Variants in TMEM44 observed in about 807,000 individuals in gnomAD.
The protein encoded by TMEM44 is transmembrane protein 44.
TMEM44 carries 43 observed loss-of-function variants against 47.8 expected under a neutral mutation model. The observed-to-expected ratio is 0.90, with a 90% CI of 0.70 to 1.16. The LOEUF is 1.16. Ranked by LOEUF, TMEM44 falls within the 50% of genes most tolerant of loss-of-function variation. The pLI is 0.00. For missense variants in TMEM44, 568 were observed against 555.2 expected (o/e 1.02, Z -0.23); for synonymous variants, 277 against 238.8 (o/e 1.16, Z -1.48).
chr3:194,633,255 C>A lies in TMEM44; in HGVS notation c.-40G>T. On this transcript the variant is annotated 5_prime_UTR_variant, in exon 1 of 10. Transcript: ENST00000347147. ...CGCGGCGCGGGGCCGGGGACCTGGGCGCAGCCTCCCTCGCCGCGGGCAAGC... is the reference window on the plus strand; with the variant it reads ...CGCGGCGCGGGGCCGGGGACCTGGGAGCAGCCTCCCTCGCCGCGGGCAAGC... 9.0e-7 allele frequency: 1 copy of A among 1,112,098 alleles called. No homozygotes were observed. The highest frequency in any genetic ancestry group is 4.1e-5 in the South Asian group (1 of 24,130). The allele number at this position is 1,112,098 out of a possible 1,614,324, so 68.9% of individuals were successfully genotyped here.
At chr3:194,632,900 G>T in intron 1 of TMEM44, 179 bp downstream of exon 1, 1 of 1,061,028 alleles carries the variant, frequency 9.4e-7, no homozygotes, top group Non-Finnish European at 1.3e-6. Context: ...TTCCCTGTGC[G>T]TGGGATCCGG....
In TMEM44 at chr3:194,611,114, C is replaced by T. The variant is rs1379803958; in HGVS notation, c.913-94G>A. The T allele has an allele frequency of 6.1e-6, 6 of 979,852 alleles. No individual in the cohort carries two copies. The highest frequency in any genetic ancestry group is 2.1e-4 in the Middle Eastern group (1 of 4,822). 60.7% of individuals were successfully genotyped at this position (979,852 alleles called of 1,614,324 possible). On this transcript the variant is annotated intron_variant, in intron 7 of 9. Transcript: ENST00000347147. This position sits in a 1 kb window ranked among gnomAD's most constrained non-coding sequence, Gnocchi z 4.2. ...GTCACATTTTATTCAAAAGGACCCC[C>T]GTGGTATTTTCTCTCTCTCTTTTTT...
At chr3:194,590,257 A>T (rs1253494300) in intron 9 of TMEM44, 1 of 152,228 alleles carries the variant, frequency 6.6e-6, no homozygotes. Flanking sequence ...TGATTTACTG[A>T]TAATAACTGA....
At position 194,611,119 on chromosome 3, in the gene TMEM44, T is replaced by C. The variant is rs1577190149; in HGVS notation, c.913-99A>G. 1 of 911,910 alleles carries C rather than the reference T, an allele frequency of 1.1e-6. No homozygotes were observed. The highest frequency in any genetic ancestry group is 2.6e-5 in the East Asian group (1 of 38,840). The allele number at this position is 911,910 out of a possible 1,614,324, so 56.5% of individuals were successfully genotyped here. ...ATTTTATTCAAAAGGACCCCCGTGG[T>C]ATTTTCTCTCTCTCTTTTTTAACGG... On this transcript the variant is annotated intron_variant, in intron 7 of 9. Coordinates refer to ENST00000347147, the MANE Select transcript of TMEM44 (RefSeq NM_001011655.3). This position sits in a 1 kb window ranked among gnomAD's most constrained non-coding sequence, Gnocchi z 4.2.
In TMEM44 at chr3:194,628,451, C is replaced by T. The variant is rs1396773075; in HGVS notation, c.196G>A (p.Ala66Thr). 1 of 1,613,440 alleles carries T rather than the reference C, an allele frequency of 6.2e-7. No homozygotes were observed. Among genetic ancestry groups the T allele is most frequent in the Non-Finnish European group, 8.5e-7 (1 of 1,179,702 alleles). The change falls in exon 2 of 10, where the codon GCG (alanine) becomes ACG (threonine). Residue 66 changes from alanine (A) to threonine (T), a missense_variant. Transcript: ENST00000347147. ...CACAGACTGGTCAGGAGGCAGCACGCAGCACACAGTGCCGACTGGTCCTGT... is the reference window on the plus strand; with the variant it reads ...CACAGACTGGTCAGGAGGCAGCACGTAGCACACAGTGCCGACTGGTCCTGT... ...PRQDQSALCA[A>T]CCLLTSLCDT...
intron 9 of TMEM44, among the ~76,000 whole-genome samples, chr3:194,602,519 T>C (rs1714257679): frequency 6.6e-6 from 1 of 152,032 alleles, no homozygotes; most frequent in African/African-American, 2.4e-5. Context: ...CCAGAATCTC[T>C]TGAACCCGGG....
At chr3:194,594,519 T>TA (rs911666370) in intron 9 of TMEM44, among the ~76,000 whole-genome samples, 21 of 146,728 alleles carry the variant, frequency 1.4e-4, no homozygotes, top group Middle Eastern at 3.5e-3. Flanking sequence ...GATAAGGACT[T>TA]AAAAAAAAAA....
At chr3:194,624,032 T>A (rs1381186404) in intron 3 of TMEM44, among the ~76,000 whole-genome samples, 2 of 152,190 alleles carry the variant, frequency 1.3e-5, no homozygotes, top group Non-Finnish European at 2.9e-5. Flanking sequence ...CACCATCCTC[T>A]GGTGGTTTCT....
rs200782246 is a variant in TMEM44, at chr3:194,623,614, G to A, written c.440C>T (p.Pro147Leu). The change falls in exon 4 of 10, where the codon CCG becomes CTG. Residue 147 changes from proline (P) to leucine (L), a missense_variant. Transcript: ENST00000347147. ...FALALPLSLG[P>L]CWALWVAVPK... ...GACAGCAACCCACAGAGCCCAGCACGGGCCCAGGCTCAGCGGCAGGGCCAG... is the reference window on the plus strand; with the variant it reads ...GACAGCAACCCACAGAGCCCAGCACAGGCCCAGGCTCAGCGGCAGGGCCAG... The A allele has an allele frequency of 4.6e-4, 735 of 1,612,688 alleles. 5 individuals are homozygous for A. Among genetic ancestry groups the A allele is most frequent in the South Asian group, 1.6e-3 (146 of 90,992 alleles).
intron 2 of TMEM44, 148 bp from the exon 3 acceptor site, chr3:194,626,138 G>A (rs971743167): frequency 3.2e-6 from 2 of 633,146 alleles, no homozygotes; most frequent in East Asian, 2.9e-5. Context: ...TGCCAACCCC[G>A]GAAAAGTCCA....
chr3:194,594,070 C>A lies in TMEM44; in HGVS notation c.1177-5431G>T, dbSNP rs773142029. On this transcript the variant is annotated intron_variant, in intron 9 of 9. Transcript: ENST00000347147. ...CAAGCAATCCTCCCACCCTGGCCAC[C>A]CAAAATGCTGGGATTACAGGCATGA... Among the ~76,000 whole-genome samples the A allele has an allele frequency of 6.6e-5, 10 of 152,098 alleles. No homozygotes were observed. The South Asian group carries it at 1.9e-3, about 28-fold the overall frequency.
rs767110731 is a variant in TMEM44, at chr3:194,617,166, G to A, written c.716C>T (p.Pro239Leu). ...GGGTGTGGCCCGCAGCAGGTACTCA[G>A]GGTGCTGGTCGTGGGCCACAATGGC... Reference protein sequence around the residue: ...ASAIVAHDQHPEYLLRATPWF... With the variant: ...ASAIVAHDQHLEYLLRATPWF... Residue 239 changes from proline to leucine, a missense_variant, in exon 6 of 10, where the codon CCT (proline) becomes CTT (leucine). Pro to Leu is a moderately conservative substitution (Grantham distance 98, BLOSUM62 -3). Coordinates refer to ENST00000347147, the MANE Select transcript of TMEM44 (RefSeq NM_001011655.3). The A allele has an allele frequency of 2.6e-6, 4 of 1,557,400 alleles. 1 individual carries two copies. The South Asian group carries it at 4.7e-5, about 18-fold the overall frequency.
In TMEM44 at chr3:194,604,290, CA is replaced by C; in HGVS notation, c.1172del (p.Leu391ArgfsTer8). 6.3e-7 allele frequency: 1 copy of C among 1,577,896 alleles called. No homozygotes were observed. Among genetic ancestry groups the C allele is most frequent in the Non-Finnish European group, 8.6e-7 (1 of 1,162,676 alleles). The stretch of plus-strand genomic sequence containing the variant: ...CCAGCAGGCAACAGCCGTGTACCTC[CA>C]GGTCGGAGTTGATGGAGGAGACCTC... ...SSEVSSINSD[L>X]EWDPEDVNLE... On this transcript the variant is annotated frameshift_variant, in exon 9 of 10. Coordinates refer to ENST00000347147, the MANE Select transcript of TMEM44 (RefSeq NM_001011655.3). LOFTEE classifies it low-confidence loss of function (END_TRUNC).
At chr3:194,627,363 C>T (rs1717287701) in intron 2 of TMEM44, among the ~76,000 whole-genome samples, 1 of 152,202 alleles carries the variant, frequency 6.6e-6, no homozygotes, top group Admixed American at 6.5e-5. Context: ...AGACCAAGAC[C>T]AGTCCCATGA....
In TMEM44 at chr3:194,591,273, ACC is replaced by A. The variant is rs554836894; in HGVS notation, c.1177-2636_1177-2635del. Among the ~76,000 whole-genome samples, 21 of 151,814 alleles carry A rather than the reference ACC, an allele frequency of 1.4e-4. No individual in the cohort carries two copies. In the East Asian group the frequency reaches 3.7e-3, roughly 27 times the overall value. ...TCTGGGAGGCTGAGGCGGGTGGATC[ACC>A]TGAGGTCAGGAGTTCGAGACCAGCC... On this transcript the variant is annotated intron_variant, in intron 9 of 9. Transcript: ENST00000347147.
chr3:194,611,995 C>A lies in TMEM44; in HGVS notation c.913-975G>T, dbSNP rs192959905. 2.1e-3 allele frequency among the ~76,000 whole-genome samples: 320 copies of A among 151,646 alleles called. 2 individuals carry two copies. The highest frequency in any genetic ancestry group is 7.4e-3 in the African/African-American group (304 of 41,284). On this transcript the variant is annotated intron_variant, in intron 7 of 9. Coordinates refer to ENST00000347147, the MANE Select transcript of TMEM44 (RefSeq NM_001011655.3). This position sits in a 1 kb window ranked among gnomAD's most constrained non-coding sequence, Gnocchi z 4.2. The stretch of plus-strand genomic sequence containing the variant: ...TGAGATCGTGCCACTGCAATCCAGC[C>A]TGGACAACAGTGAGACTCCGTCTCA...
chr3:194,610,072 C>A lies in TMEM44; in HGVS notation c.1017+844G>T, dbSNP rs540375913. Among the ~76,000 whole-genome samples the A allele has an allele frequency of 6.6e-5, 10 of 152,078 alleles. No homozygotes were observed. The South Asian group carries it at 2.1e-3, about 32-fold the overall frequency. On this transcript the variant is annotated intron_variant, in intron 8 of 9. Coordinates refer to ENST00000347147, the MANE Select transcript of TMEM44 (RefSeq NM_001011655.3). ...TGAAACCCCGTCTCTAGTAAAAATA[C>A]AAAAATTAGCTGGGCGTGGTGGCAG...
intron 9 of TMEM44, among the ~76,000 whole-genome samples, chr3:194,594,414 C>T (rs762589079): frequency 1.3e-5 from 2 of 151,876 alleles, no homozygotes; most frequent in Non-Finnish European, 2.9e-5. Flanking sequence ...CAGCTTGCCT[C>T]AGCCTCCCAA....
At chr3:194,599,581 CTTTTCTT>C (rs1399037444) in intron 9 of TMEM44, among the ~76,000 whole-genome samples, 1 of 121,904 alleles carries the variant, frequency 8.2e-6, no homozygotes, top group African/African-American at 4.1e-5. Flanking sequence ...TTTTCTTTTT[CTTTTCTT>C]TTTTTTTTTT....
Sources: gnomAD v4.1 joint callset for allele counts (sites outside exome capture counted in the v4.1 genomes callset) on GRCh38, gnomAD v4.1.1 for gene constraint, Gnocchi (gnomAD v3.1) non-coding constraint, MANE v1.5 for transcripts, NCBI Gene and HGNC (gene_info 2026-07-23, HGNC 2026-07-21) for gene names.